DNAAF6: variants seen among roughly 807,000 people sequenced by gnomAD.
DNAAF6 encodes PIH1 domain containing 3.
A neutral mutation model predicts 13.7 loss-of-function variants in DNAAF6; 3 were observed. The observed-to-expected ratio is 0.22, with a 90% CI of 0.10 to 0.56. DNAAF6 has a LOEUF of 0.56. Among genes scored for constraint, DNAAF6 ranks in the 20% least tolerant of loss-of-function variants. The probability of loss-of-function intolerance (pLI) is 0.92; values close to 1 mark genes in which losing one functional copy is unlikely to be tolerated. For missense variants in DNAAF6, 130 were observed against 151.0 expected, an observed-to-expected ratio of 0.86 and a Z score of 0.73; for synonymous variants, 54 against 49.2, an observed-to-expected ratio of 1.10 and a Z score of -0.41.
chrX:107,229,751 G>C (rs1352659234), intron 5 of DNAAF6, among the ~76,000 whole-genome samples: 2 of 110,943 alleles, frequency 1.8e-5, no homozygotes, highest in Non-Finnish European at 3.8e-5. Context: ...GCAGTAGCGC[G>C]GTCTTGGCTC....
chrX:107,236,029 G>A (rs900723834), intron 5 of DNAAF6, among the ~76,000 whole-genome samples: 1 of 111,105 alleles, frequency 9.0e-6, no homozygotes, highest in South Asian at 3.8e-4. Context: ...AGACACCCAG[G>A]ACACTGAGTC....
At chrX:107,235,415 T>A (rs918463430) in intron 5 of DNAAF6, among the ~76,000 whole-genome samples, 1 of 111,465 alleles carries the variant, frequency 9.0e-6, no homozygotes, top group Non-Finnish European at 1.9e-5. Context: ...AGATTTTTTT[T>A]AATGAAAAAG....
chrX:107,239,618 A>G (rs1409510889), intron 6 of DNAAF6, among the ~76,000 whole-genome samples: 1 of 111,116 alleles, frequency 9.0e-6, no homozygotes, highest in Non-Finnish European at 1.9e-5. Flanking sequence ...CAGTACCTAT[A>G]ATTCTCCTTT....
chrX:107,237,661 A>G (rs966090922), intron 5 of DNAAF6, among the ~76,000 whole-genome samples: 2 of 112,009 alleles, frequency 1.8e-5, no homozygotes, highest in Non-Finnish European at 3.8e-5. Flanking sequence ...GCCCCTAGCA[A>G]CCACCAATCT....
chrX:107,215,393 T>A (rs1927954515), intron 2 of DNAAF6, among the ~76,000 whole-genome samples: 2 of 110,995 alleles, frequency 1.8e-5, no homozygotes, highest in East Asian at 5.6e-4. Context: ...CTATTAGTGT[T>A]CTGATGATTA....
intron 2 of DNAAF6, among the ~76,000 whole-genome samples, chrX:107,215,050 A>T (rs1030448060): frequency 9.0e-6 from 1 of 111,561 alleles, no homozygotes; most frequent in Non-Finnish European, 1.9e-5. Flanking sequence ...AAGTGGCATG[A>T]ATTGCAGTGA....
chrX:107,236,955 C>A (rs1163963545), intron 5 of DNAAF6, among the ~76,000 whole-genome samples: 3 of 111,431 alleles, frequency 2.7e-5, no homozygotes, highest in Non-Finnish European at 5.7e-5. Flanking sequence ...CCTGTAACTA[C>A]CCCCTGAGAA....
chrX:107,209,153 A>G (rs1429570685), intron 1 of DNAAF6, among the ~76,000 whole-genome samples: 1 of 111,785 alleles, frequency 8.9e-6, no homozygotes, highest in Non-Finnish European at 1.9e-5. Context: ...GTATATTATA[A>G]TTTAATTCAG....
chrX:107,223,333 T>G (rs1309894344), intron 5 of DNAAF6, among the ~76,000 whole-genome samples: 1 of 111,887 alleles, frequency 8.9e-6, no homozygotes, highest in African/African-American at 3.2e-5. Flanking sequence ...TGACTTCTGA[T>G]TAAAAACACT....
rs1215961438 is a variant in DNAAF6 at position 107,243,733 on chromosome X, A to G, written c.*435A>G. The G allele has an allele frequency of 1.7e-5, 2 of 114,457 alleles. No homozygotes were observed. The highest frequency in any genetic ancestry group is 3.7e-5 in the Non-Finnish European group (2 of 54,327). 9.4% of individuals were successfully genotyped at this position (114,457 alleles called of 1,213,427 possible). ...AATAAACTATTCTATTTTTATAGTG[A>G]TAGCTGAGTAGAATCTTTACAGGTT... On this transcript the variant is annotated 3_prime_UTR_variant, in exon 7 of 7. Coordinates refer to ENST00000372453, the MANE Select transcript of DNAAF6 (RefSeq NM_173494.2).
chrX:107,222,533 TAAC>T (rs1928168818), intron 4 of DNAAF6, among the ~76,000 whole-genome samples: 1 of 112,002 alleles, frequency 8.9e-6, no homozygotes. Flanking sequence ...TAGAAAATAA[TAAC>T]AATCCTGCCT....
chrX:107,208,039 T>C (rs894512913), intron 1 of DNAAF6, among the ~76,000 whole-genome samples: 1 of 111,241 alleles, frequency 9.0e-6, no homozygotes, highest in Non-Finnish European at 1.9e-5. Context: ...ATATTAAGTG[T>C]ATTGTTTGTC....
intron 4 of DNAAF6, among the ~76,000 whole-genome samples, chrX:107,220,902 CCTTTCTTTCTTTCTTT>C (rs200337352): frequency 0.096 from 8,333 of 87,043 alleles, 348 homozygotes; most frequent in East Asian, 0.14. Flanking sequence ...TTTCTTTCTC[CCTTTCTTTCTTTCTTT>C]CTTTCTTTCT....
intron 3 of DNAAF6, among the ~76,000 whole-genome samples, chrX:107,218,280 A>G (rs1478021660): frequency 9.0e-6 from 1 of 111,652 alleles, no homozygotes; most frequent in South Asian, 3.7e-4. Flanking sequence ...AAAATGCTGG[A>G]CTAAAAAATG....
chrX:107,241,895 A>G, intron 6 of DNAAF6, among the ~76,000 whole-genome samples: 1 of 112,168 alleles, frequency 8.9e-6, no homozygotes, highest in South Asian at 3.7e-4. Context: ...CAGCTGATTT[A>G]TAGTTGTCTT....
chrX:107,222,306 C>G (rs191710494), intron 4 of DNAAF6, among the ~76,000 whole-genome samples: 307 of 111,922 alleles, frequency 2.7e-3, no homozygotes, highest in Non-Finnish European at 2.9e-3. Context: ...AGAAACAGTA[C>G]TAAACCTGAA....
intron 5 of DNAAF6, among the ~76,000 whole-genome samples, chrX:107,230,634 G>A (rs1194871791): frequency 8.9e-6 from 1 of 112,105 alleles, no homozygotes; most frequent in Non-Finnish European, 1.9e-5. Flanking sequence ...AGTGAGCAGA[G>A]ATCACGCCAT....
chrX:107,225,743 G>A (rs1046130691), intron 5 of DNAAF6, among the ~76,000 whole-genome samples: 1 of 111,263 alleles, frequency 9.0e-6, no homozygotes. Flanking sequence ...CAAAGCAACG[G>A]TCCTAAACAA....
At chrX:107,219,956 G>A (rs1487426300) in intron 4 of DNAAF6, among the ~76,000 whole-genome samples, 6 of 110,578 alleles carry the variant, frequency 5.4e-5, no homozygotes, top group Non-Finnish European at 5.7e-5. Flanking sequence ...CTGCCACCAC[G>A]CCCAGCTAAT....
Sources: allele counts gnomAD v4.1 joint callset (sites outside exome capture counted in the v4.1 genomes callset), GRCh38; gene constraint gnomAD v4.1.1; transcripts MANE v1.5; gene names NCBI Gene and HGNC (gene_info 2026-07-23, HGNC 2026-07-21).